The following SLC44A1 variants were observed in gnomAD, a reference collection of about 807,000 sequenced individuals.
SLC44A1 encodes the protein choline transporter-like protein 1.
A neutral mutation model predicts 79.3 loss-of-function variants in SLC44A1; 26 were observed. The ratio of observed to expected loss-of-function variants is 0.33; its 90% CI spans 0.24 to 0.46. The LOEUF is 0.46. SLC44A1 is among the 20% of genes least tolerant of loss of function. The probability of loss-of-function intolerance (pLI) is 1.00; values close to 1 mark genes in which losing one functional copy is unlikely to be tolerated. For missense variants in SLC44A1, 688 were observed against 798.1 expected, an observed-to-expected ratio of 0.86 and a Z score of 1.66; for synonymous variants, 263 against 286.2, an observed-to-expected ratio of 0.92 and a Z score of 0.82.
At chr9:105,437,050 G>A (rs940717557) in intron 15 of SLC44A1, among the ~76,000 whole-genome samples, 8 of 152,054 alleles carry the variant, frequency 5.3e-5, no homozygotes, top group African/African-American at 1.9e-4. Context: ...TCCTGCAGTG[G>A]CTCTGGGCTT....
intron 2 of SLC44A1, among the ~76,000 whole-genome samples, chr9:105,308,449 C>T (rs1045356128): frequency 1.3e-5 from 2 of 152,196 alleles, no homozygotes; most frequent in Non-Finnish European, 2.9e-5. Flanking sequence ...AGTCTCTACT[C>T]TCAGTCTACT....
chr9:105,414,932 C>T (rs570992798), intron 15 of SLC44A1, among the ~76,000 whole-genome samples: 1 of 152,202 alleles, frequency 6.6e-6, no homozygotes, highest in African/African-American at 2.4e-5. Flanking sequence ...TATGAATGCT[C>T]TTGATGAGAA....
intron 15 of SLC44A1, among the ~76,000 whole-genome samples, chr9:105,426,869 T>C (rs146173234): frequency 6.6e-6 from 1 of 151,976 alleles, no homozygotes; most frequent in East Asian, 1.9e-4. Context: ...CAAAATAATA[T>C]TCTCATGACC....
At chr9:105,346,142 T>C (rs2131377161) in intron 4 of SLC44A1, among the ~76,000 whole-genome samples, 1 of 152,258 alleles carries the variant, frequency 6.6e-6, no homozygotes, top group Non-Finnish European at 1.5e-5. Context: ...CATCAACCCT[T>C]TGAGCAGGAA....
intron 5 of SLC44A1, among the ~76,000 whole-genome samples, chr9:105,351,632 G>GAGAAAAGAAAGAAAGAAAGAAAGAA (rs1554797208): frequency 9.9e-6 from 1 of 101,358 alleles, no homozygotes; most frequent in Non-Finnish European, 2.0e-5. Context: ...GAGAGAGAAA[G>GAGAAAAGAAAGAAAGAAAGAAAGAA]AGAAAGAAAG....
chr9:105,283,572 T>G (rs925600680), intron 1 of SLC44A1, among the ~76,000 whole-genome samples: 1 of 152,222 alleles, frequency 6.6e-6, no homozygotes, highest in African/African-American at 2.4e-5. Context: ...AGCAGGCTAA[T>G]TTATTCAAGA....
At chr9:105,272,257 T>C (rs1830095655) in intron 1 of SLC44A1, among the ~76,000 whole-genome samples, 1 of 152,210 alleles carries the variant, frequency 6.6e-6, no homozygotes, top group Non-Finnish European at 1.5e-5. Flanking sequence ...ATATTCATTT[T>C]TTTGTCTTCT....
At chr9:105,380,569 A>G (rs1828430426) in intron 13 of SLC44A1, among the ~76,000 whole-genome samples, 1 of 152,040 alleles carries the variant, frequency 6.6e-6, no homozygotes, top group Non-Finnish European at 1.5e-5. Context: ...TATTTATCAA[A>G]TATTTATCAA....
chr9:105,372,819 G>A lies in SLC44A1; in HGVS notation c.1495-1779G>A, dbSNP rs1158711546. Among the ~76,000 whole-genome samples the A allele has an allele frequency of 3.4e-5, 5 of 146,796 alleles. No individual in the cohort carries two copies. In the East Asian group the frequency reaches 8.4e-4, roughly 25 times the overall value. ...CAAAAAATTAGCCGGGCGTAGTGGC[G>A]GGCGCCTGTAGTCCCAGCTACTTGG... On this transcript the variant is annotated intron_variant, in intron 12 of 15. Coordinates refer to ENST00000374720, the MANE Select transcript of SLC44A1 (RefSeq NM_080546.5).
At chr9:105,251,924 A>G (rs1829597984) in intron 1 of SLC44A1, among the ~76,000 whole-genome samples, 1 of 152,224 alleles carries the variant, frequency 6.6e-6, no homozygotes, top group Non-Finnish European at 1.5e-5. Context: ...ATTAATGTCT[A>G]GACTAGGTGG....
intron 1 of SLC44A1, among the ~76,000 whole-genome samples, chr9:105,275,648 G>A (rs1281578199): frequency 6.6e-6 from 1 of 152,132 alleles, no homozygotes; most frequent in Admixed American, 6.6e-5. Context: ...GTCAGCTTAT[G>A]AAAAATGAAT....
intron 9 of SLC44A1, 59 bp from the exon 10 acceptor site, chr9:105,364,496 C>A (rs771294682): frequency 6.1e-6 from 9 of 1,483,458 alleles, no homozygotes; most frequent in Non-Finnish European, 8.3e-6. Context: ...TACTTAACTG[C>A]CGTATTTCTG....
At chr9:105,324,103 G>A (rs1826492013) in intron 3 of SLC44A1, among the ~76,000 whole-genome samples, 1 of 152,018 alleles carries the variant, frequency 6.6e-6, no homozygotes, top group Non-Finnish European at 1.5e-5. Flanking sequence ...CCGGATTCAC[G>A]CCATTCTCCT....
chr9:105,420,168 G>A (rs530623036), intron 15 of SLC44A1, among the ~76,000 whole-genome samples: 3 of 152,162 alleles, frequency 2.0e-5, no homozygotes, highest in East Asian at 3.9e-4. Flanking sequence ...CAGGATCCCC[G>A]ACCCTGACCC....
rs116535870 is a variant in SLC44A1, at chr9:105,324,602, T to C, written c.270-10961T>C. Among the ~76,000 whole-genome samples the C allele has an allele frequency of 3.5e-3, 537 of 152,248 alleles. 2 individuals carry two copies. Among genetic ancestry groups the C allele is most frequent in the African/African-American group, 0.012 (505 of 41,552 alleles). ...GTCATCCTTGCTTTTTGTTGTAATATAATTTTTTCATAATGTTGTGACAAT... is the reference window on the plus strand; with the variant it reads ...GTCATCCTTGCTTTTTGTTGTAATACAATTTTTTCATAATGTTGTGACAAT... On this transcript the variant is annotated intron_variant, in intron 3 of 15. Transcript: ENST00000374720.
intron 15 of SLC44A1, among the ~76,000 whole-genome samples, chr9:105,429,320 T>A (rs558816141): frequency 6.6e-6 from 1 of 152,350 alleles, no homozygotes; most frequent in East Asian, 1.9e-4. Flanking sequence ...GTTTTTGTTT[T>A]GAGACGAGGT....
intron 3 of SLC44A1, 33 bp downstream of exon 3, chr9:105,309,899 A>C (rs1831133029): frequency 1.9e-6 from 3 of 1,599,046 alleles, no homozygotes; most frequent in African/African-American, 1.3e-5. Context: ...GAACACATGG[A>C]AACTTTGAAA....
chr9:105,261,114 G>A (rs1339550729), intron 1 of SLC44A1, among the ~76,000 whole-genome samples: 1 of 152,102 alleles, frequency 6.6e-6, no homozygotes, highest in Non-Finnish European at 1.5e-5. Context: ...ATTCTGGTGG[G>A]CTTTTGAATT....
In SLC44A1 at chr9:105,390,009, G is replaced by T. The variant is rs188256638; in HGVS notation, c.*953G>T. On this transcript the variant is annotated 3_prime_UTR_variant, in exon 16 of 16. Transcript: ENST00000374720. ...GCTTCAGAGTAACGTCAGTGGCTTAGGGTTAAACGGCCATTTTATTCAAAT... is the reference window on the plus strand; with the variant it reads ...GCTTCAGAGTAACGTCAGTGGCTTATGGTTAAACGGCCATTTTATTCAAAT... The T allele has an allele frequency of 1.4e-6, 2 of 1,388,142 alleles. No homozygotes were observed. The highest frequency in any genetic ancestry group is 3.7e-5 in the South Asian group (2 of 54,470). 86.0% of individuals were successfully genotyped at this position (1,388,142 alleles called of 1,614,324 possible). A position where few individuals can be genotyped will look rare whatever the true frequency, so the allele number is the denominator to read the frequency against.
Sources: gnomAD v4.1 joint callset for allele counts (sites outside exome capture counted in the v4.1 genomes callset) on GRCh38, gnomAD v4.1.1 for gene constraint, MANE v1.5 for transcripts, NCBI Gene and HGNC (gene_info 2026-07-23, HGNC 2026-07-21) for gene names.